CSPG4: variants seen among roughly 807,000 people sequenced by gnomAD.
CSPG4 encodes the protein chondroitin sulfate proteoglycan 4 (melanoma-associated).
Under a neutral mutation model 139.3 loss-of-function variants are expected in CSPG4, and 74 were observed. The ratio of observed to expected loss-of-function variants is 0.53; its 90% CI spans 0.44 to 0.64. The LOEUF (loss-of-function observed/expected upper bound fraction) is 0.64. Among genes scored for constraint, CSPG4 ranks in the 30% least tolerant of loss-of-function variants. CSPG4 has a pLI of 0.00. For synonymous variants in CSPG4, 1,234 were observed against 1,394.2 expected (o/e 0.89, Z 2.56); for missense variants, 2,565 against 3,148.3 (o/e 0.81, Z 4.43).
intron 8 of CSPG4, 56 bp downstream of exon 8, chr15:75,682,237 A>T (rs1893983162): frequency 6.3e-7 from 1 of 1,586,254 alleles, no homozygotes; most frequent in Non-Finnish European, 8.5e-7. Context: ...TCCATGGCAC[A>T]GCGGCCACCT....
At chr15:75,678,485 G>A (rs997327492) in intron 8 of CSPG4, 17 of 366,680 alleles carry the variant, frequency 4.6e-5, no homozygotes, top group Admixed American at 1.3e-4. Context: ...CCCAAGTAGC[G>A]GGGACTGCAG....
intron 1 of CSPG4, among the ~76,000 whole-genome samples, chr15:75,696,000 G>C (rs1462195901): frequency 6.6e-6 from 1 of 152,142 alleles, no homozygotes; most frequent in Non-Finnish European, 1.5e-5. Flanking sequence ...AGGTTGTGGG[G>C]AGACATTGGC....
intron 5 of CSPG4, among the ~76,000 whole-genome samples, 187 bp from the exon 6 acceptor site, chr15:75,683,228 GA>G (rs1442179648): frequency 6.6e-6 from 1 of 152,076 alleles, no homozygotes; most frequent in Non-Finnish European, 1.5e-5. Context: ...TCACCCCAGG[GA>G]AGGCCCCAGG....
In CSPG4 at chr15:75,698,420, G is replaced by A. The variant is rs1364746655; in HGVS notation, c.89-5187C>T. On this transcript the variant is annotated intron_variant, in intron 1 of 9. Transcript: ENST00000308508. This position sits in a 1 kb window ranked among gnomAD's most constrained non-coding sequence, Gnocchi z 4.3. Reference sequence around the variant, plus strand: ...TTCCCCAGCAGCGGACCCTCCCTGAGGTCACCTGGCCCTCTAGACCTCAGG... The same window carrying A: ...TTCCCCAGCAGCGGACCCTCCCTGAAGTCACCTGGCCCTCTAGACCTCAGG... Among the ~76,000 whole-genome samples, 6 of 151,944 alleles carry A rather than the reference G, an allele frequency of 3.9e-5. No individual in the cohort carries two copies. Among genetic ancestry groups the A allele is most frequent in the Non-Finnish European group, 8.8e-5 (6 of 67,970 alleles).
In CSPG4 at chr15:75,676,374, C is replaced by G. The variant is rs1407441138; in HGVS notation, c.6145G>C (p.Val2049Leu). The change falls in exon 10 of 10, where the codon GTG (valine) becomes CTG (leucine). Residue 2049 changes from valine (V) to leucine (L), a missense_variant. By Grantham distance (32) the Val-to-Leu change is conservative. Around this residue, in one of 5 missense-constraint regions of CSPG4, gnomAD observed 2,316 missense variants for 2,818.2 expected, o/e 0.82. Coordinates refer to ENST00000308508, the MANE Select transcript of CSPG4 (RefSeq NM_001897.5). ...TGGGGCCATGGCCCACCTGCCCACA[C>G]ATGCAGCAGAGCCCTCACAGTGACG... ...VNVTVRALLH[V>L]WAGGPWPQGA... is the part of the protein sequence containing the mutation. 1.9e-6 allele frequency: 3 copies of G among 1,613,372 alleles called. No individual in the cohort carries two copies. Among genetic ancestry groups the G allele is most frequent in the Non-Finnish European group, 2.5e-6 (3 of 1,180,040 alleles).
chr15:75,676,771 G>T lies in CSPG4; in HGVS notation c.5748C>A (p.Ile1916=). 6.5e-7 allele frequency: 1 copy of T among 1,549,566 alleles called. No individual in the cohort carries two copies. The highest frequency in any genetic ancestry group is 1.2e-5 in the South Asian group (1 of 82,604). The change falls in exon 10 of 10, where the codon ATC becomes ATA. Residue 1916 remains isoleucine, a synonymous_variant. Transcript: ENST00000308508. Reference sequence around the variant, plus strand: ...CCCCATCAGACATGCTCAGCTGGAAGATGCCTGCCACGCTGCTCCCGTTGG... The same window carrying T: ...CCCCATCAGACATGCTCAGCTGGAATATGCCTGCCACGCTGCTCCCGTTGG... ...FVANGSSVAG[I]FQLSMSDGAS...
In CSPG4 at chr15:75,690,796, C is replaced by A; in HGVS notation, c.269G>T (p.Gly90Val). Residue 90 changes from glycine (G) to valine (V), a missense_variant, in exon 3 of 10, where the codon GGC becomes GTC. Physicochemically the swap from Gly to Val is moderately radical, Grantham distance 109 (BLOSUM62 -3). This residue lies in a region of CSPG4 where 132 missense variants were observed against 132.3 expected (regional missense o/e 1.00). Coordinates refer to ENST00000308508, the MANE Select transcript of CSPG4 (RefSeq NM_001897.5). ...SGRLQVRLVLGQEELRLQTPA... is the reference protein window; with the variant it reads ...SGRLQVRLVLVQEELRLQTPA... ...AGTCTGCAGCCTCAGCTCCTCCTGG[C>A]CCAGAACAAGTCTGACCTGAAGAGA... 6.2e-7 allele frequency: 1 copy of A among 1,610,770 alleles called. No individual in the cohort carries two copies.
chr15:75,676,159 G>T lies in CSPG4; in HGVS notation c.6360C>A (p.Asp2120Glu). 1.3e-6 allele frequency: 2 copies of T among 1,547,778 alleles called. No individual in the cohort carries two copies. The highest frequency in any genetic ancestry group is 1.7e-6 in the Non-Finnish European group (2 of 1,153,228). ...VEQFTQQDLE[D>E]GRLGLEVGRP... ...TGCCCACCTCCAGCCCCAGCCTCCCGTCCTCAAGGTCCTGCTGAGTGAACT... is the reference window on the plus strand; with the variant it reads ...TGCCCACCTCCAGCCCCAGCCTCCCTTCCTCAAGGTCCTGCTGAGTGAACT... Residue 2120 changes from aspartate to glutamate, a missense_variant, in exon 10 of 10, where the codon GAC (aspartate) becomes GAA (glutamate). By Grantham distance (45) the Asp-to-Glu change is conservative. Around this residue, in one of 5 missense-constraint regions of CSPG4, gnomAD observed 2,316 missense variants for 2,818.2 expected, o/e 0.82. Coordinates refer to ENST00000308508, the MANE Select transcript of CSPG4 (RefSeq NM_001897.5).
intron 3 of CSPG4, among the ~76,000 whole-genome samples, chr15:75,686,231 C>T (rs1280313668): frequency 3.3e-5 from 5 of 152,226 alleles, no homozygotes; most frequent in African/African-American, 4.8e-5. Flanking sequence ...CACACGAGTT[C>T]ATCATATGCT....
intron 3 of CSPG4, among the ~76,000 whole-genome samples, chr15:75,685,976 T>C (rs181125715): frequency 8.5e-5 from 13 of 152,240 alleles, no homozygotes; most frequent in Admixed American, 5.2e-4. Context: ...AAGCCTCAAC[T>C]TCCCAGGCTC....
At chr15:75,709,097 G>A (rs1349080876) in intron 1 of CSPG4, among the ~76,000 whole-genome samples, 3 of 152,158 alleles carry the variant, frequency 2.0e-5, no homozygotes, top group African/African-American at 4.8e-5. Context: ...TTGGAGTTAC[G>A]GACCCTCCTG....
Position 75,684,888 on chromosome 15 carries a change from C to G in CSPG4, c.4297G>C (p.Val1433Leu). 1 of 1,610,828 alleles carries G rather than the reference C, an allele frequency of 6.2e-7. No individual in the cohort carries two copies. The highest frequency in any genetic ancestry group is 8.5e-7 in the Non-Finnish European group (1 of 1,177,644). ...GTCAGTGTCTCGCTCCCGTCATGCACGTAGCGGATCAGCTGCTCTTCCACC... is the reference window on the plus strand; with the variant it reads ...GTCAGTGTCTCGCTCCCGTCATGCAGGTAGCGGATCAGCTGCTCTTCCACC... ...RMVEEQLIRY[V>L]HDGSETLTDS... The change falls in exon 5 of 10, where the codon GTG (valine) becomes CTG (leucine). Residue 1433 changes from valine (V) to leucine (L), a missense_variant. This residue lies in a region of CSPG4 where 2,316 missense variants were observed against 2,818.2 expected (regional missense o/e 0.82). Coordinates refer to ENST00000308508, the MANE Select transcript of CSPG4 (RefSeq NM_001897.5).
intron 1 of CSPG4, among the ~76,000 whole-genome samples, chr15:75,694,015 C>T (rs1229395928): frequency 6.6e-6 from 1 of 152,264 alleles, no homozygotes; most frequent in African/African-American, 2.4e-5. Flanking sequence ...GAGCTATTCA[C>T]AGTCCCCGAT....
At chr15:75,682,779 G>A (rs745806406) in intron 6 of CSPG4, 38 bp from the exon 7 acceptor site, 37 of 1,608,072 alleles carry the variant, frequency 2.3e-5, no homozygotes, top group South Asian at 1.4e-4. Flanking sequence ...GGCCCGAGCC[G>A]GCTCCCCATC....
At position 75,678,211 on chromosome 15, in the gene CSPG4, C is replaced by A. The variant is rs529532615; in HGVS notation, c.4951-325G>T. 1.1e-4 allele frequency among the ~76,000 whole-genome samples: 17 copies of A among 152,328 alleles called. No homozygotes were observed. In the South Asian group the frequency reaches 2.9e-3, roughly 26 times the overall value. On this transcript the variant is annotated intron_variant, in intron 8 of 9. Transcript: ENST00000308508. ...CTTCCTCTTGTGCACAGGATCCTAT[C>A]CCCTCTTGCCTTCTGAAGACACCAC...
intron 1 of CSPG4, among the ~76,000 whole-genome samples, chr15:75,699,863 AG>A (rs2141436456): frequency 6.6e-6 from 1 of 152,076 alleles, no homozygotes; most frequent in East Asian, 1.9e-4. Flanking sequence ...TTGGACAGGG[AG>A]ATGGGTGGGT....
In CSPG4 at chr15:75,675,201, G is replaced by A. The variant is rs1423475885; in HGVS notation, c.*349C>T. The A allele has an allele frequency of 5.3e-5, 16 of 299,082 alleles. No individual in the cohort carries two copies. Among genetic ancestry groups the A allele is most frequent in the South Asian group, 3.2e-4 (2 of 6,172 alleles). 18.5% of individuals were successfully genotyped at this position (299,082 alleles called of 1,614,324 possible). A position where few individuals can be genotyped will look rare whatever the true frequency, so the allele number is the denominator to read the frequency against. On this transcript the variant is annotated 3_prime_UTR_variant, in exon 10 of 10. Transcript: ENST00000308508. ...CCTCTTAGCAGCCTGGGTCAGGCGCGACTTACCCAAGGTCACAGACCCAGG... is the reference window on the plus strand; with the variant it reads ...CCTCTTAGCAGCCTGGGTCAGGCGCAACTTACCCAAGGTCACAGACCCAGG...
chr15:75,677,775 C>G lies in CSPG4; in HGVS notation c.5062G>C (p.Ala1688Pro). The G allele has an allele frequency of 1.2e-6, 2 of 1,610,764 alleles. No individual in the cohort carries two copies. The highest frequency in any genetic ancestry group is 1.7e-6 in the Non-Finnish European group (2 of 1,178,714). Residue 1688 changes from alanine to proline, a missense_variant, in exon 9 of 10, where the codon GCC becomes CCC. Physicochemically the swap from Ala to Pro is conservative, Grantham distance 27 (BLOSUM62 -1). Around this residue, in one of 5 missense-constraint regions of CSPG4, gnomAD observed 2,316 missense variants for 2,818.2 expected, o/e 0.82. Transcript: ENST00000308508. ...AAAGACACAGCCACAGCAAGGGTGG[C>G]GGCCACGTCCCGGGCAGGCGGCGAG... ...LSSPPARDVA[A>P]TLAVAVSFEA... is the part of the protein sequence containing the mutation.
intron 4 of CSPG4, 42 bp downstream of exon 4, chr15:75,685,177 C>G (rs199750413): frequency 6.6e-7 from 1 of 1,508,874 alleles, no homozygotes; most frequent in Non-Finnish European, 8.9e-7. Context: ...ACTCTGCCCC[C>G]AGAGCTGGGC....
Sources: allele counts gnomAD v4.1 joint callset (sites outside exome capture counted in the v4.1 genomes callset), GRCh38; gene constraint gnomAD v4.1.1; regional missense constraint gnomAD v4.1.1; non-coding constraint Gnocchi (gnomAD v3.1); transcripts MANE v1.5; gene names NCBI Gene and HGNC (gene_info 2026-07-23, HGNC 2026-07-21).